Variants in TSPAN12 observed in about 807,000 individuals in gnomAD.
TSPAN12 encodes tetraspanin-12.
In TSPAN12, 19 loss-of-function variants were observed where a neutral mutation model predicts 39.2. That is an observed-to-expected ratio of 0.49 (90% confidence interval 0.34 to 0.71). The LOEUF (loss-of-function observed/expected upper bound fraction) is 0.71. TSPAN12 is among the 30% of genes least tolerant of loss of function. TSPAN12 has a pLI of 0.01. For synonymous variants in TSPAN12, 119 were observed against 124.8 expected, an observed-to-expected ratio of 0.95 and a Z score of 0.31; for missense variants, 314 against 359.9, an observed-to-expected ratio of 0.87 and a Z score of 1.03.
intron 7 of TSPAN12, among the ~76,000 whole-genome samples, chr7:120,798,774 T>C (rs977371615): frequency 2.0e-5 from 3 of 152,152 alleles, no homozygotes; most frequent in African/African-American, 7.2e-5. Flanking sequence ...CTCTCTTGCT[T>C]CCAGCTCTAA....
Position 120,857,967 on chromosome 7 carries a change from C to A in TSPAN12, c.-218G>T, listed in dbSNP as rs894535516. ...GACGCTTCTTTCTCTTCCTCTCCCC[C>A]CGCCGCCGCCGTCGCCGCCTCCTGG... On this transcript the variant is annotated 5_prime_UTR_variant, in exon 1 of 8. Transcript: ENST00000222747. 2 of 154,610 alleles carry A rather than the reference C, an allele frequency of 1.3e-5. No individual in the cohort carries two copies. The highest frequency in any genetic ancestry group is 2.4e-5 in the African/African-American group (1 of 41,428). The allele number at this position is 154,610 out of a possible 1,614,324, so 9.6% of individuals were successfully genotyped here. A position where few individuals can be genotyped will look rare whatever the true frequency, so the allele number is the denominator to read the frequency against.
At chr7:120,853,990 C>T (rs2116511934) in intron 2 of TSPAN12, among the ~76,000 whole-genome samples, 1 of 151,462 alleles carries the variant, frequency 6.6e-6, no homozygotes, top group South Asian at 2.1e-4. Context: ...AAATATAGGG[C>T]AAACCTAAAT....
chr7:120,817,450 T>C (rs1456335785), intron 4 of TSPAN12, among the ~76,000 whole-genome samples: 1 of 152,044 alleles, frequency 6.6e-6, no homozygotes, highest in Non-Finnish European at 1.5e-5. Flanking sequence ...AAACCATTAT[T>C]ATGATTAGAA....
At chr7:120,791,415 G>A (rs932008215) in intron 7 of TSPAN12, among the ~76,000 whole-genome samples, 1 of 151,958 alleles carries the variant, frequency 6.6e-6, no homozygotes, top group African/African-American at 2.4e-5. Flanking sequence ...ACAATACAAC[G>A]TGGTGACTAT....
At chr7:120,814,777 C>A (rs1333279894) in intron 5 of TSPAN12, among the ~76,000 whole-genome samples, 2 of 152,168 alleles carry the variant, frequency 1.3e-5, no homozygotes, top group Non-Finnish European at 2.9e-5. Context: ...ACCATTTCAA[C>A]TGCTGAAATA....
In TSPAN12 at chr7:120,857,642, C is replaced by G. The variant is rs1794900675; in HGVS notation, c.-71+178G>C. ...AGCCGCCCGCGGAGCACAAAGCGAG[C>G]GCGGCCACCGACCCAGCCATCGCGT... is the stretch of plus-strand genomic sequence containing the variant. On this transcript the variant is annotated intron_variant, in intron 1 of 7. Transcript: ENST00000222747. 2.6e-5 allele frequency among the ~76,000 whole-genome samples: 4 copies of G among 152,114 alleles called. No homozygotes were observed. In the South Asian group the frequency reaches 8.3e-4, roughly 32 times the overall value.
intron 2 of TSPAN12, among the ~76,000 whole-genome samples, chr7:120,850,692 ATT>A (rs374982979): frequency 3.5e-5 from 5 of 143,678 alleles, no homozygotes; most frequent in Non-Finnish European, 4.6e-5. Flanking sequence ...AGACTAAAAG[ATT>A]TTTTTTTTTT....
At chr7:120,800,026 A>T (rs1793734600) in intron 7 of TSPAN12, among the ~76,000 whole-genome samples, 1 of 151,520 alleles carries the variant, frequency 6.6e-6, no homozygotes, top group Non-Finnish European at 1.5e-5. Context: ...CTAATTGGTC[A>T]AAGATGTTAG....
At position 120,853,255 on chromosome 7, in the gene TSPAN12, G is replaced by C. The variant is rs537694280; in HGVS notation, c.66+3443C>G. Among the ~76,000 whole-genome samples, 16 of 151,538 alleles carry C rather than the reference G, an allele frequency of 1.1e-4. No individual in the cohort carries two copies. The East Asian group carries it at 2.1e-3, about 20-fold the overall frequency. ...ATTACAGGTGCACGCCACGACACCC[G>C]GCTAATTTTTGTATTTTTAGTAGAG... is the stretch of plus-strand genomic sequence containing the variant. On this transcript the variant is annotated intron_variant, in intron 2 of 7. Coordinates refer to ENST00000222747, the MANE Select transcript of TSPAN12 (RefSeq NM_012338.4).
rs542434657 is a variant in TSPAN12 at position 120,790,625 on chromosome 7, C to T, written c.613-1728G>A. On this transcript the variant is annotated intron_variant, in intron 7 of 7. Coordinates refer to ENST00000222747, the MANE Select transcript of TSPAN12 (RefSeq NM_012338.4). ...CACAGCATTATGTCACCAGTGAGTA[C>T]TTCTGCACAGAGCAAGGTGGCTGCT... Among the ~76,000 whole-genome samples the T allele has an allele frequency of 2.0e-5, 3 of 152,332 alleles. No individual in the cohort carries two copies. In the South Asian group the frequency reaches 6.2e-4, roughly 32 times the overall value.
In TSPAN12 at chr7:120,788,710, T is replaced by C. The variant is rs764062837; in HGVS notation, c.800A>G (p.Asn267Ser). Residue 267 changes from asparagine (N) to serine (S), a missense_variant, in exon 8 of 8, where the codon AAC (asparagine) becomes AGC (serine). Coordinates refer to ENST00000222747, the MANE Select transcript of TSPAN12 (RefSeq NM_012338.4). ...TGAGGGACATGACAGGTGCTGAGAG[T>C]TGTCATTCTTCAAGGACATCATTTG... is the stretch of plus-strand genomic sequence containing the variant. ...TDQMMSLKNDNSQHLSCPSVE... is the reference protein window; with the variant it reads ...TDQMMSLKNDSSQHLSCPSVE... 5.0e-6 allele frequency: 8 copies of C among 1,613,798 alleles called. No individual in the cohort carries two copies. In the African/African-American group the frequency reaches 5.3e-5, roughly 11 times the overall value.
At chr7:120,802,989 GC>G (rs1229652838) in intron 7 of TSPAN12, among the ~76,000 whole-genome samples, 2 of 152,134 alleles carry the variant, frequency 1.3e-5, no homozygotes, top group Non-Finnish European at 2.9e-5. Flanking sequence ...CAGGAAAAAA[GC>G]CAGTTTTTAT....
chr7:120,829,547 T>C (rs1275185691), intron 4 of TSPAN12, among the ~76,000 whole-genome samples: 2 of 152,158 alleles, frequency 1.3e-5, no homozygotes, highest in African/African-American at 4.8e-5. Flanking sequence ...TAAATGAATG[T>C]TTTCTGGTTT....
At chr7:120,814,658 C>T (rs1278311083) in intron 5 of TSPAN12, among the ~76,000 whole-genome samples, 12 of 152,146 alleles carry the variant, frequency 7.9e-5, no homozygotes. Flanking sequence ...AGTAATAATA[C>T]CCAGTGAGTG....
chr7:120,853,471 G>GATATATATAT lies in TSPAN12; in HGVS notation c.66+3217_66+3226dup, dbSNP rs375897054. ...AACCTTAACCAAGTCAAGAAATGCA[G>GATATATATAT]ATATATATATATATATATATATACA... On this transcript the variant is annotated intron_variant, in intron 2 of 7. Transcript: ENST00000222747. 8.8e-3 allele frequency among the ~76,000 whole-genome samples: 1,218 copies of GATATATATAT among 138,062 alleles called. 20 individuals are homozygous for GATATATATAT. Among genetic ancestry groups the GATATATATAT allele is most frequent in the African/African-American group, 0.025 (956 of 38,236 alleles). The allele number at this position is 138,062 out of a possible 152,430, so 90.6% of individuals were successfully genotyped here. A position where few individuals can be genotyped will look rare whatever the true frequency, so the allele number is the denominator to read the frequency against.
chr7:120,813,682 G>A (rs890625583), intron 5 of TSPAN12, among the ~76,000 whole-genome samples: 3 of 152,064 alleles, frequency 2.0e-5, no homozygotes, highest in Non-Finnish European at 4.4e-5. Context: ...AAAAGCTGAG[G>A]TAACAGGATC....
intron 7 of TSPAN12, among the ~76,000 whole-genome samples, chr7:120,792,480 G>C (rs1360991538): frequency 6.6e-6 from 1 of 151,638 alleles, no homozygotes; most frequent in Non-Finnish European, 1.5e-5. Context: ...GATCTCGAAA[G>C]TTACACACAT....
chr7:120,824,753 T>A (rs1410742648), intron 4 of TSPAN12, among the ~76,000 whole-genome samples: 1 of 152,194 alleles, frequency 6.6e-6, no homozygotes, highest in East Asian at 1.9e-4. Flanking sequence ...AACTTGACTT[T>A]TTAAAATTTT....
chr7:120,824,899 T>C (rs1229952912), intron 4 of TSPAN12, among the ~76,000 whole-genome samples: 2 of 152,186 alleles, frequency 1.3e-5, no homozygotes, highest in Non-Finnish European at 2.9e-5. Flanking sequence ...GAAAAGATAC[T>C]TTCAATTACT....
Sources: allele counts gnomAD v4.1 joint callset (sites outside exome capture counted in the v4.1 genomes callset), GRCh38; gene constraint gnomAD v4.1.1; transcripts MANE v1.5; gene names NCBI Gene and HGNC (gene_info 2026-07-23, HGNC 2026-07-21).